Variants in GLG1 observed in about 807,000 individuals in gnomAD.
GLG1 encodes golgi glycoprotein 1, also known as Golgi apparatus protein 1.
Under a neutral mutation model 160.5 loss-of-function variants are expected in GLG1, and 38 were observed. The ratio of observed to expected loss-of-function variants is 0.24; its 90% CI spans 0.18 to 0.31. The LOEUF is 0.31. Ranked by LOEUF, GLG1 falls within the 10% of genes least tolerant of loss-of-function variation. The pLI, the probability that GLG1 is intolerant of heterozygous loss-of-function variation, is 1.00. For synonymous variants in GLG1, 644 were observed against 543.4 expected, an observed-to-expected ratio of 1.19 and a Z score of -2.57; for missense variants, 1,373 against 1,505.2, an observed-to-expected ratio of 0.91 and a Z score of 1.45.
rs2014354750 is a variant in GLG1, at chr16:74,452,515, G to T, written c.*652C>A. Reference sequence around the variant, plus strand: ...GGCTGTGGGGCTGTGACCAGCAGTGGCTGATTAGGGTGGAAACTGGAAAGC... The same window carrying T: ...GGCTGTGGGGCTGTGACCAGCAGTGTCTGATTAGGGTGGAAACTGGAAAGC... On this transcript the variant is annotated 3_prime_UTR_variant, in exon 26 of 26. Transcript: ENST00000422840. 1 of 1,019,506 alleles carries T rather than the reference G, an allele frequency of 9.8e-7. No individual in the cohort carries two copies. Among genetic ancestry groups the T allele is most frequent in the South Asian group, 4.1e-5 (1 of 24,472 alleles). The allele number at this position is 1,019,506 out of a possible 1,614,324, so 63.2% of individuals were successfully genotyped here. A position where few individuals can be genotyped will look rare whatever the true frequency, so the allele number is the denominator to read the frequency against.
chr16:74,603,982 G>C (rs1205977774), intron 1 of GLG1, among the ~76,000 whole-genome samples: 1 of 148,884 alleles, frequency 6.7e-6, no homozygotes, highest in East Asian at 1.9e-4. Flanking sequence ...ATCCGAGAGC[G>C]TTAAAAAAAA....
In GLG1 at chr16:74,496,427, C is replaced by A. The variant is rs2016190570; in HGVS notation, c.978+14G>T. ...AATAAAAGGAAGAAAAGAACAGTTT[C>A]TGAGCTGACTCACATTTTCACAAAA... On this transcript the variant is annotated intron_variant, in intron 5 of 25. Transcript: ENST00000422840. 5 of 1,557,302 alleles carry A rather than the reference C, an allele frequency of 3.2e-6. No individual in the cohort carries two copies. In the East Asian group the frequency reaches 1.1e-4, roughly 35 times the overall value.
intron 10 of GLG1, among the ~76,000 whole-genome samples, chr16:74,481,408 GCTAATATTTAATGAGTAACTATTAAGAA>G (rs1318964862): frequency 2.0e-5 from 3 of 152,044 alleles, no homozygotes; most frequent in East Asian, 3.9e-4. Context: ...GGAGAAAAAA[GCTAATATTTAATGAGTAACTATTAAGAA>G]CTAATATTTA....
At chr16:74,492,823 G>GAAAAAAAAAAAAAAAAA (rs370571319) in intron 7 of GLG1, 134 bp downstream of exon 7, 1 of 299,614 alleles carries the variant, frequency 3.3e-6, no homozygotes, top group Non-Finnish European at 5.4e-6. Context: ...TCCGTCTCAA[G>GAAAAAAAAAAAAAAAAA]AAAAAAAAAA....
At chr16:74,552,793 A>AG (rs1167200682) in intron 1 of GLG1, 2 of 152,174 alleles carry the variant, frequency 1.3e-5, no homozygotes, top group East Asian at 3.9e-4. Flanking sequence ...AGACAGAAAA[A>AG]AAAATGCAGG....
chr16:74,519,109 G>A (rs536198499), intron 2 of GLG1, among the ~76,000 whole-genome samples: 1 of 152,274 alleles, frequency 6.6e-6, no homozygotes, highest in East Asian at 1.9e-4. Flanking sequence ...TGATAGACTG[G>A]ATTAAGAAAA....
intron 1 of GLG1, chr16:74,552,402 A>C: frequency 1.7e-6 from 1 of 573,366 alleles, no homozygotes. Context: ...AAGGCCATGC[A>C]GTCTCTCAAG....
chr16:74,486,868 G>A (rs532071511), intron 8 of GLG1, among the ~76,000 whole-genome samples: 1 of 152,106 alleles, frequency 6.6e-6, no homozygotes, highest in East Asian at 1.9e-4. Flanking sequence ...CATGAAAGAT[G>A]ATTATTACTA....
intron 19 of GLG1, among the ~76,000 whole-genome samples, chr16:74,464,999 C>T (rs183484452): frequency 2.6e-5 from 4 of 152,098 alleles, no homozygotes; most frequent in East Asian, 1.9e-4. Flanking sequence ...CCACCACACC[C>T]GGCTAATTTT....
intron 1 of GLG1, among the ~76,000 whole-genome samples, chr16:74,568,873 T>C (rs911038561): frequency 4.6e-5 from 7 of 152,200 alleles, no homozygotes; most frequent in Admixed American, 1.3e-4. Flanking sequence ...ACTAAAAGTG[T>C]TGGAAAACAA....
chr16:74,509,939 G>A (rs866778204), intron 2 of GLG1, among the ~76,000 whole-genome samples: 1 of 151,896 alleles, frequency 6.6e-6, no homozygotes, highest in Non-Finnish European at 1.5e-5. Context: ...CCCCTGCCTT[G>A]GCCTCCCAAA....
chr16:74,486,005 C>T lies in GLG1; in HGVS notation c.1450-88G>A, dbSNP rs1025799306. On this transcript the variant is annotated intron_variant, in intron 8 of 25. Transcript: ENST00000422840. ...TCTTCATACATTCAGTTGCTCAGTC[C>T]TATTTACCACAATGTACTCCAATAA... The T allele has an allele frequency of 6.1e-6, 6 of 975,614 alleles. No individual in the cohort carries two copies. The Admixed American group carries it at 1.3e-4, about 21-fold the overall frequency. The allele number at this position is 975,614 out of a possible 1,614,324, so 60.4% of individuals were successfully genotyped here.
At chr16:74,470,272 C>T (rs549222368) in intron 15 of GLG1, among the ~76,000 whole-genome samples, 199 bp from the exon 16 acceptor site, 2 of 151,212 alleles carry the variant, frequency 1.3e-5, no homozygotes, top group African/African-American at 4.9e-5. Flanking sequence ...TCCTTCCCTC[C>T]CTCCCTCCTT....
At chr16:74,600,453 C>T (rs537601273) in intron 1 of GLG1, among the ~76,000 whole-genome samples, 1 of 152,070 alleles carries the variant, frequency 6.6e-6, no homozygotes, top group Non-Finnish European at 1.5e-5. Flanking sequence ...GAAAAGAGGC[C>T]GGGTGCACTG....
At chr16:74,514,737 G>GGTCGAAATAAC in intron 2 of GLG1, among the ~76,000 whole-genome samples, 1 of 152,134 alleles carries the variant, frequency 6.6e-6, no homozygotes, top group African/African-American at 2.4e-5. Flanking sequence ...ATCAATTAAC[G>GGTCGAAATAAC]GTCGAAATAA....
chr16:74,532,683 C>G (rs930650111), intron 1 of GLG1, among the ~76,000 whole-genome samples: 8 of 151,888 alleles, frequency 5.3e-5, no homozygotes, highest in African/African-American at 1.9e-4. Context: ...TGTCACCAAG[C>G]CCAGCTAATT....
intron 1 of GLG1, among the ~76,000 whole-genome samples, chr16:74,589,750 TC>T (rs976447618): frequency 2.6e-5 from 4 of 152,064 alleles, no homozygotes; most frequent in Non-Finnish European, 5.9e-5. Flanking sequence ...ACATATACTC[TC>T]AAGTTGAAAA....
chr16:74,542,631 C>A (rs2017906378), intron 1 of GLG1, among the ~76,000 whole-genome samples: 2 of 143,974 alleles, frequency 1.4e-5, no homozygotes, highest in African/African-American at 5.1e-5. Flanking sequence ...GAGATTGCAT[C>A]ATTGCACTCC....
chr16:74,600,093 T>TAGG, intron 1 of GLG1, among the ~76,000 whole-genome samples: 1 of 152,262 alleles, frequency 6.6e-6, no homozygotes, highest in South Asian at 2.1e-4. Flanking sequence ...GTTAGTGCTT[T>TAGG]CTGAAGCATG....
Sources: allele counts gnomAD v4.1 joint callset (sites outside exome capture counted in the v4.1 genomes callset), GRCh38; gene constraint gnomAD v4.1.1; transcripts MANE v1.5; gene names NCBI Gene and HGNC (gene_info 2026-07-23, HGNC 2026-07-21).